Variants in BICDL1 observed in about 807,000 individuals in gnomAD.
BICDL1 encodes BICD family-like cargo adapter 1.
Under a neutral mutation model 76.8 loss-of-function variants are expected in BICDL1, and 20 were observed. That is an observed-to-expected ratio of 0.26 (90% CI 0.18 to 0.38). The LOEUF (loss-of-function observed/expected upper bound fraction) is 0.38, where lower values mean the gene tolerates loss of function less well. Ranked by LOEUF, BICDL1 falls within the 10% of genes least tolerant of loss-of-function variation. The pLI, the probability that BICDL1 is intolerant of heterozygous loss-of-function variation, is 1.00. For synonymous variants in BICDL1, 383 were observed against 337.1 expected (o/e 1.14, Z -1.49); for missense variants, 700 against 798.6 (o/e 0.88, Z 1.49).
chr12:120,090,425 G>A (rs867295155), intron 9 of BICDL1, among the ~76,000 whole-genome samples: 9 of 152,170 alleles, frequency 5.9e-5, no homozygotes, highest in South Asian at 2.1e-4. Context: ...AATTCACAGC[G>A]GGATGCGGCT....
chr12:120,014,409 C>T (rs1024562027), intron 2 of BICDL1, among the ~76,000 whole-genome samples: 6 of 152,116 alleles, frequency 3.9e-5, no homozygotes, highest in Admixed American at 3.3e-4. Flanking sequence ...AAAAACCATT[C>T]TTGCACCGGT....
chr12:120,056,587 T>C (rs939484601), intron 2 of BICDL1, among the ~76,000 whole-genome samples: 15 of 151,972 alleles, frequency 9.9e-5, no homozygotes, highest in African/African-American at 3.4e-4. Flanking sequence ...GGCGTGGTAG[T>C]GCGCCTGTAA....
Position 119,989,806 on chromosome 12 carries a change from C to G in BICDL1, c.-63C>G, listed in dbSNP as rs1951473263. The G allele has an allele frequency of 1.2e-6, 1 of 816,002 alleles. No homozygotes were observed. The highest frequency in any genetic ancestry group is 5.6e-5 in the South Asian group (1 of 17,928). 50.5% of individuals were successfully genotyped at this position (816,002 alleles called of 1,614,324 possible). A position where few individuals can be genotyped will look rare whatever the true frequency, so the allele number is the denominator to read the frequency against. ...CGCGGGGCGGCGCGGCAGGGCCCCT[C>G]CCCCCTGCAGCCTGGCGCGCGCGGG... On this transcript the variant is annotated 5_prime_UTR_variant, in exon 1 of 10. Coordinates refer to ENST00000548673, the MANE Select transcript of BICDL1 (RefSeq NM_001367886.1).
chr12:120,022,465 AT>A (rs1180323641), intron 2 of BICDL1, among the ~76,000 whole-genome samples: 2 of 146,974 alleles, frequency 1.4e-5, no homozygotes, highest in Non-Finnish European at 3.0e-5. Flanking sequence ...TATATTATAT[AT>A]TTATATATAT....
At chr12:120,052,690 A>G (rs994988321) in intron 2 of BICDL1, among the ~76,000 whole-genome samples, 1 of 152,214 alleles carries the variant, frequency 6.6e-6, no homozygotes, top group South Asian at 2.1e-4. Flanking sequence ...CCTGTTTCTC[A>G]TGAAACTTTT....
At chr12:120,022,863 C>T (rs914443167) in intron 2 of BICDL1, among the ~76,000 whole-genome samples, 3 of 152,124 alleles carry the variant, frequency 2.0e-5, no homozygotes, top group Admixed American at 1.3e-4. Context: ...CCAGTGAGAC[C>T]GGTGCAGCTA....
At chr12:120,080,548 C>T in intron 7 of BICDL1, 1 of 216,066 alleles carries the variant, frequency 4.6e-6, no homozygotes, top group Admixed American at 4.9e-5. Context: ...GTCATGATGA[C>T]TTATGGTCTT....
At chr12:120,042,185 C>G (rs1454036840) in intron 2 of BICDL1, among the ~76,000 whole-genome samples, 1 of 152,066 alleles carries the variant, frequency 6.6e-6, no homozygotes, top group African/African-American at 2.4e-5. Context: ...CATATAGCAC[C>G]TATTATATGC....
chr12:120,037,432 C>T (rs1276981426), intron 2 of BICDL1, among the ~76,000 whole-genome samples: 1 of 151,910 alleles, frequency 6.6e-6, no homozygotes, highest in Non-Finnish European at 1.5e-5. Flanking sequence ...CTTCCCTGCT[C>T]CCGAGAATTT....
intron 2 of BICDL1, among the ~76,000 whole-genome samples, chr12:120,021,841 G>T (rs1952189165): frequency 6.6e-6 from 1 of 150,916 alleles, no homozygotes; most frequent in South Asian, 2.1e-4. Context: ...GGAGGTGAAG[G>T]TTGCAGTGAA....
intron 1 of BICDL1, among the ~76,000 whole-genome samples, chr12:119,997,939 C>T (rs574440409): frequency 4.5e-4 from 68 of 152,270 alleles, no homozygotes; most frequent in Non-Finnish European, 8.5e-4. Flanking sequence ...CATTGTAAAA[C>T]CCCATCTCTA....
intron 9 of BICDL1, chr12:120,092,714 GACC>G (rs1875082711): frequency 1.0e-5 from 10 of 985,414 alleles, no homozygotes; most frequent in Middle Eastern, 5.2e-4. Flanking sequence ...TGCAGGGAGA[GACC>G]ACCCGAGCCA....
chr12:120,003,386 T>TTTG (rs146745480), intron 2 of BICDL1, among the ~76,000 whole-genome samples: 2 of 152,210 alleles, frequency 1.3e-5, no homozygotes, highest in East Asian at 1.9e-4. Flanking sequence ...ATGGTTGGGT[T>TTTG]TTGTTGTTGT....
chr12:120,085,799 C>CAAAA lies in BICDL1; in HGVS notation c.1584-4133_1584-4130dup, dbSNP rs35399078. On this transcript the variant is annotated intron_variant, in intron 8 of 9. Transcript: ENST00000548673. ...TGGATGACAGAGCAAGATCCTGCCT[C>CAAAA]AAAAAAAAAAAAAAAAAAAAAAGGC... Among the ~76,000 whole-genome samples the CAAAA allele has an allele frequency of 4.5e-3, 312 of 69,654 alleles. 4 individuals carry two copies. The highest frequency in any genetic ancestry group is 0.016 in the African/African-American group (288 of 18,186). 45.7% of individuals were successfully genotyped at this position (69,654 alleles called of 152,430 possible). A position where few individuals can be genotyped will look rare whatever the true frequency, so the allele number is the denominator to read the frequency against.
chr12:120,041,778 G>A (rs1295687084), intron 2 of BICDL1, among the ~76,000 whole-genome samples: 2 of 152,138 alleles, frequency 1.3e-5, no homozygotes, highest in African/African-American at 4.8e-5. Context: ...TTTGAAATAA[G>A]AGTCTGCTCA....
intron 2 of BICDL1, among the ~76,000 whole-genome samples, chr12:120,015,102 C>G (rs1025376522): frequency 4.6e-5 from 7 of 152,088 alleles, no homozygotes; most frequent in Non-Finnish European, 1.0e-4. Context: ...TCCCTTGCCC[C>G]AAGACCAGAG....
At chr12:120,077,579 C>T (rs576809596) in intron 7 of BICDL1, among the ~76,000 whole-genome samples, 8 of 152,272 alleles carry the variant, frequency 5.3e-5, no homozygotes, top group African/African-American at 1.4e-4. Flanking sequence ...ATGCTTGACT[C>T]GAGTGCACAC....
chr12:120,047,506 G>A (rs1952771670), intron 2 of BICDL1, among the ~76,000 whole-genome samples: 1 of 152,112 alleles, frequency 6.6e-6, no homozygotes, highest in South Asian at 2.1e-4. Context: ...TATCTCTGAA[G>A]TTTCAACTCT....
At chr12:120,032,369 C>T (rs949603437) in intron 2 of BICDL1, among the ~76,000 whole-genome samples, 1 of 152,130 alleles carries the variant, frequency 6.6e-6, no homozygotes, top group African/African-American at 2.4e-5. Flanking sequence ...TATGGCCTAG[C>T]CAAGTTGTCA....
Sources: allele counts gnomAD v4.1 joint callset (sites outside exome capture counted in the v4.1 genomes callset), GRCh38; gene constraint gnomAD v4.1.1; transcripts MANE v1.5; gene names NCBI Gene and HGNC (gene_info 2026-07-23, HGNC 2026-07-21).